THSD7A: variants seen among roughly 807,000 people sequenced by gnomAD.
THSD7A encodes the protein thrombospondin type 1 domain containing 7A, also known as thrombospondin type-1 domain-containing protein 7A.
A neutral mutation model predicts 231.3 loss-of-function variants in THSD7A; 96 were observed. That is an observed-to-expected ratio of 0.41 (90% CI 0.35 to 0.49). The LOEUF (loss-of-function observed/expected upper bound fraction) is 0.49, where lower values mean the gene tolerates loss of function less well. Among genes scored for constraint, THSD7A ranks in the 20% least tolerant of loss-of-function variants. THSD7A has a pLI of 0.05. For synonymous variants in THSD7A, 940 were observed against 743.3 expected (o/e 1.26, Z -4.30); for missense variants, 2,290 against 2,070.2 (o/e 1.11, Z -2.06).
chr7:11,407,190 G>T, intron 20 of THSD7A, 116 bp downstream of exon 20: 1 of 1,454,452 alleles, frequency 6.9e-7, no homozygotes, highest in Non-Finnish European at 9.4e-7. Flanking sequence ...GTTTTGCAAA[G>T]AAAGACAACC....
In THSD7A at chr7:11,541,573, G is replaced by T. The variant is rs75028730; in HGVS notation, c.1668C>A (p.Thr556=). The T allele has an allele frequency of 1.2e-6, 2 of 1,613,824 alleles. No homozygotes were observed. The highest frequency in any genetic ancestry group is 1.7e-6 in the Non-Finnish European group (2 of 1,179,890). Residue 556 remains threonine (T), a synonymous_variant, in exon 6 of 28, where the codon ACC becomes ACA. Transcript: ENST00000423059. ...TNEPTGGSGV[T]GNCPHLLEAI... is the part of the protein sequence containing the mutation. ...CTTCCAGTAAGTGAGGGCAGTTTCCGGTTACCCCAGAGCCTCCAGTGGGCT... is the reference window on the plus strand; with the variant it reads ...CTTCCAGTAAGTGAGGGCAGTTTCCTGTTACCCCAGAGCCTCCAGTGGGCT...
At chr7:11,715,977 A>T (rs1173346432) in intron 1 of THSD7A, among the ~76,000 whole-genome samples, 1 of 151,556 alleles carries the variant, frequency 6.6e-6, no homozygotes, top group Non-Finnish European at 1.5e-5. Flanking sequence ...CCTTAGAGTG[A>T]TCTAAATTGA....
intron 13 of THSD7A, among the ~76,000 whole-genome samples, chr7:11,443,288 T>A (rs540815633): frequency 2.0e-5 from 3 of 152,222 alleles, no homozygotes; most frequent in Admixed American, 1.3e-4. Context: ...ATCTTTTAAG[T>A]GATCTTCAAT....
At chr7:11,710,097 T>A (rs142618146) in intron 1 of THSD7A, among the ~76,000 whole-genome samples, 14,839 of 150,678 alleles carry the variant, frequency 0.098, 887 homozygotes, top group Non-Finnish European at 0.15. Flanking sequence ...GCTATTTTTT[T>A]TTAAAAAATG....
chr7:11,649,244 C>T (rs573132934), intron 1 of THSD7A, among the ~76,000 whole-genome samples: 78 of 152,084 alleles, frequency 5.1e-4, no homozygotes, highest in African/African-American at 1.8e-3. Context: ...CCATGATCTT[C>T]TTGGAAGCAG....
Position 11,593,347 on chromosome 7 carries a change from C to T in THSD7A, c.1178G>A (p.Arg393Lys), listed in dbSNP as rs369370186. 57 of 1,613,890 alleles carry T rather than the reference C, an allele frequency of 3.5e-5. No homozygotes were observed. In the Admixed American group the frequency reaches 8.0e-4, roughly 23 times the overall value. The change falls in exon 3 of 28, where the codon AGG (arginine) becomes AAG (lysine). Residue 393 changes from arginine (R) to lysine (K), a missense_variant. By Grantham distance (26) the Arg-to-Lys change is conservative. Coordinates refer to ENST00000423059, the MANE Select transcript of THSD7A (RefSeq NM_015204.3). ...CTTTTCACTGCCAATGGGAAACTGC[C>T]TGATGGTTCGTGTCCTTACACGAGT... ...AGTRVRTRTIRQFPIGSEKEC... is the reference protein window; with the variant it reads ...AGTRVRTRTIKQFPIGSEKEC...
chr7:11,558,194 C>T (rs1187659375), intron 4 of THSD7A, among the ~76,000 whole-genome samples: 1 of 152,056 alleles, frequency 6.6e-6, no homozygotes, highest in African/African-American at 2.4e-5. Context: ...ACATATCTAG[C>T]TTATCTGCCT....
chr7:11,478,071 A>G lies in THSD7A; in HGVS notation c.2018-3503T>C, dbSNP rs1018049659. ...TCTCTTCTCCAGCAATAAAAAAACC[A>G]ACTCTCACTATGTTAAATACATGTA... On this transcript the variant is annotated intron_variant, in intron 7 of 27. Transcript: ENST00000423059. Among the ~76,000 whole-genome samples the G allele has an allele frequency of 3.9e-5, 6 of 152,176 alleles. No homozygotes were observed. In the East Asian group the frequency reaches 1.2e-3, roughly 29 times the overall value.
chr7:11,607,187 G>C (rs981206056), intron 2 of THSD7A, among the ~76,000 whole-genome samples: 2 of 151,912 alleles, frequency 1.3e-5, no homozygotes, highest in African/African-American at 2.4e-5. Flanking sequence ...AGAATATAAC[G>C]CTAGTAGGAA....
intron 6 of THSD7A, among the ~76,000 whole-genome samples, chr7:11,538,707 T>A (rs1789018111): frequency 6.6e-6 from 1 of 152,170 alleles, no homozygotes; most frequent in Non-Finnish European, 1.5e-5. Flanking sequence ...TTGGAGAGTC[T>A]AATCGTCTTT....
At chr7:11,465,084 T>A (rs554910867) in intron 9 of THSD7A, among the ~76,000 whole-genome samples, 8 of 152,214 alleles carry the variant, frequency 5.3e-5, no homozygotes, top group Non-Finnish European at 1.2e-4. Flanking sequence ...ATGCGGTTGA[T>A]ATATTTGTAG....
chr7:11,385,403 A>T (rs1782691598), intron 23 of THSD7A: 1 of 152,040 alleles, frequency 6.6e-6, no homozygotes. Context: ...ATGTATTATG[A>T]TGTTTGTGTA....
At chr7:11,795,006 T>C (rs937280365) in intron 1 of THSD7A, among the ~76,000 whole-genome samples, 6 of 152,018 alleles carry the variant, frequency 3.9e-5, no homozygotes, top group African/African-American at 1.4e-4. Context: ...TAGAACAATT[T>C]GAAGTATGCA....
intron 2 of THSD7A, among the ~76,000 whole-genome samples, chr7:11,622,467 G>A (rs1248541596): frequency 6.6e-6 from 1 of 151,946 alleles, no homozygotes; most frequent in Non-Finnish European, 1.5e-5. Context: ...CATAGGTAAA[G>A]CAGGGATTTT....
rs192882213 is a variant in THSD7A, at chr7:11,523,812, C to T, written c.1822+17607G>A. ...ACAAAGACATTTTTATTGTTCTCCG[C>T]TTGTCATTCTTTCAGGTCTTATTTT... On this transcript the variant is annotated intron_variant, in intron 6 of 27. Transcript: ENST00000423059. Among the ~76,000 whole-genome samples the T allele has an allele frequency of 9.9e-5, 15 of 152,080 alleles. No homozygotes were observed. The East Asian group carries it at 2.9e-3, about 29-fold the overall frequency.
chr7:11,498,455 C>A (rs943970470), intron 6 of THSD7A, among the ~76,000 whole-genome samples: 1 of 151,968 alleles, frequency 6.6e-6, no homozygotes, highest in Admixed American at 6.5e-5. Context: ...CCTGCTTGAG[C>A]TCTCCAGTTG....
At chr7:11,811,403 C>T (rs1784524966) in intron 1 of THSD7A, among the ~76,000 whole-genome samples, 3 of 152,128 alleles carry the variant, frequency 2.0e-5, no homozygotes, top group Admixed American at 6.6e-5. Context: ...TCTTCCTCCT[C>T]AAGAGACTTT....
intron 4 of THSD7A, among the ~76,000 whole-genome samples, chr7:11,563,235 C>T (rs568093682): frequency 1.3e-5 from 2 of 152,268 alleles, no homozygotes; most frequent in African/African-American, 2.4e-5. Flanking sequence ...AAAGCTCATA[C>T]ATTTATTCCT....
chr7:11,546,458 G>A (rs1158112761), intron 4 of THSD7A, among the ~76,000 whole-genome samples: 1 of 152,186 alleles, frequency 6.6e-6, no homozygotes, highest in East Asian at 1.9e-4. Context: ...ACTGAGCTGA[G>A]CCTGGGCCAC....
Sources: gnomAD v4.1 joint callset for allele counts (sites outside exome capture counted in the v4.1 genomes callset) on GRCh38, gnomAD v4.1.1 for gene constraint, MANE v1.5 for transcripts, NCBI Gene and HGNC (gene_info 2026-07-23, HGNC 2026-07-21) for gene names.